The following OR51B5 variants were observed in gnomAD, a reference collection of about 807,000 sequenced individuals.
OR51B5 encodes olfactory receptor 51B5.
For synonymous variants in OR51B5, 186 were observed against 144.8 expected (o/e 1.28, Z -2.04); for missense variants, 456 against 374.6 (o/e 1.22, Z -1.79).
At chr11:5,491,750 C>T (rs449408) in intron 1 of OR51B5, among the ~76,000 whole-genome samples, 146,263 of 152,304 alleles carry the variant, frequency 0.96, 70,258 homozygotes, top group South Asian at 0.99. Context: ...CAAAGTGAAA[C>T]TTCCCTGATT....
At chr11:5,490,060 G>A (rs1354942595) in intron 1 of OR51B5, among the ~76,000 whole-genome samples, 1 of 152,138 alleles carries the variant, frequency 6.6e-6, no homozygotes, top group African/African-American at 2.4e-5. Flanking sequence ...GAATATTGAC[G>A]TATTGGTTAA....
Position 5,343,383 on chromosome 11 carries a change from T to A in OR51B5, c.142A>T (p.Lys48Ter). ...GGCTCATGAAGATTGTGATCTTCCT[T>A]AATGAGAAGAAGGAGGGTGCCATTG... The change falls in exon 1 of 1, where the codon AAG (lysine) becomes TAG (stop). Residue 48 changes from lysine to a stop codon, truncating the protein, a stop_gained. Coordinates refer to ENST00000300773, the Ensembl canonical transcript of OR51B5. LOFTEE classifies it low-confidence loss of function (END_TRUNC). The A allele has an allele frequency of 6.2e-7, 1 of 1,613,860 alleles. No homozygotes were observed. The highest frequency in any genetic ancestry group is 8.5e-7 in the Non-Finnish European group (1 of 1,179,870).
At chr11:5,351,305 C>G (rs1214999797) in intron 1 of OR51B5, among the ~76,000 whole-genome samples, 1 of 152,100 alleles carries the variant, frequency 6.6e-6, no homozygotes, top group Non-Finnish European at 1.5e-5. Flanking sequence ...TAGAGTAAAC[C>G]CTAAATAATA....
At chr11:5,405,895 C>G (rs945049458) in intron 1 of OR51B5, among the ~76,000 whole-genome samples, 5 of 152,100 alleles carry the variant, frequency 3.3e-5, no homozygotes, top group African/African-American at 4.8e-5. Context: ...CCATAGAGGA[C>G]AATGCCTCCA....
At chr11:5,373,595 C>G (rs952492158) in intron 1 of OR51B5, among the ~76,000 whole-genome samples, 2 of 152,144 alleles carry the variant, frequency 1.3e-5, no homozygotes, top group Admixed American at 1.3e-4. Flanking sequence ...GGGTGACATA[C>G]GGCACCTGGA....
At chr11:5,369,306 A>C (rs1437424962) in intron 1 of OR51B5, among the ~76,000 whole-genome samples, 1 of 152,204 alleles carries the variant, frequency 6.6e-6, no homozygotes, top group Admixed American at 6.5e-5. Context: ...GTCACGGCTT[A>C]ACAAATATTA....
chr11:5,362,725 T>C, intron 1 of OR51B5: 1 of 227,340 alleles, frequency 4.4e-6, no homozygotes, highest in South Asian at 8.1e-5. Flanking sequence ...CCTGGTTCTT[T>C]GTTTACGAGG....
intron 1 of OR51B5, among the ~76,000 whole-genome samples, chr11:5,356,106 A>G (rs901646937): frequency 6.6e-6 from 1 of 152,304 alleles, no homozygotes; most frequent in South Asian, 2.1e-4. Flanking sequence ...CTCACCAGCA[A>G]CGGTACAAAG....
chr11:5,348,702 G>T (rs549825508), intron 1 of OR51B5, among the ~76,000 whole-genome samples: 40 of 152,144 alleles, frequency 2.6e-4, no homozygotes, highest in African/African-American at 9.4e-4. Flanking sequence ...CAGCTGATTA[G>T]ATAGTACCCA....
At chr11:5,469,808 C>T (rs1051382441) in intron 1 of OR51B5, among the ~76,000 whole-genome samples, 1 of 152,052 alleles carries the variant, frequency 6.6e-6, no homozygotes, top group Non-Finnish European at 1.5e-5. Context: ...TGAGGTGCAC[C>T]ATGTCCTCCA....
intron 1 of OR51B5, among the ~76,000 whole-genome samples, chr11:5,452,916 C>G (rs1232393591): frequency 6.6e-6 from 1 of 152,184 alleles, no homozygotes; most frequent in East Asian, 1.9e-4. Flanking sequence ...CTCATGACTG[C>G]CTCTGGAGGC....
chr11:5,344,504 G>T (rs1848959787), upstream of OR51B5, among the ~76,000 whole-genome samples: 1 of 152,156 alleles, frequency 6.6e-6, no homozygotes, highest in Non-Finnish European at 1.5e-5. Flanking sequence ...CTGAGTGAGA[G>T]CTATTTCCCT....
At chr11:5,400,040 T>C (rs1467658602) in intron 1 of OR51B5, among the ~76,000 whole-genome samples, 1 of 152,200 alleles carries the variant, frequency 6.6e-6, no homozygotes, top group African/African-American at 2.4e-5. Flanking sequence ...GTTGAGCTTT[T>C]GGAGGTGAGG....
intron 1 of OR51B5, among the ~76,000 whole-genome samples, chr11:5,421,875 G>A (rs1201779410): frequency 1.3e-5 from 2 of 152,224 alleles, no homozygotes; most frequent in Non-Finnish European, 2.9e-5. Flanking sequence ...TATTGATAGT[G>A]AGATTTGTAT....
chr11:5,355,097 G>A (rs1243982366), intron 1 of OR51B5: 2 of 180,642 alleles, frequency 1.1e-5, no homozygotes, highest in East Asian at 1.3e-4. Flanking sequence ...ATCACCAAGT[G>A]CAGCAGGAAG....
intron 1 of OR51B5, chr11:5,468,849 A>G (rs1851178895): frequency 2.3e-6 from 1 of 429,604 alleles, no homozygotes; most frequent in African/African-American, 2.0e-5. Context: ...GTGTCTCCAC[A>G]GGGCAGCCGA....
Position 5,381,805 on chromosome 11 carries a change from T to C in OR51B5, n.85-34895A>G, listed in dbSNP as rs183565976. ...TCATTTGGTTTTCAAATAAATCTAT[T>C]GCTTGGAAACTGGTCCTTCAATTAT... On this transcript the variant is annotated intron_variant and non_coding_transcript_variant, in intron 1 of 4. Coordinates refer to the OR51B5 transcript ENST00000415970. 6.2e-4 allele frequency among the ~76,000 whole-genome samples: 94 copies of C among 152,360 alleles called. 3 individuals carry two copies. In the East Asian group the frequency reaches 0.017, roughly 28 times the overall value.
intron 1 of OR51B5, chr11:5,455,554 A>T (rs1850939558): frequency 7.6e-6 from 1 of 132,384 alleles, no homozygotes; most frequent in Non-Finnish European, 1.5e-5. Context: ...ATTGGGGGAG[A>T]AAGAAGGGGG....
chr11:5,499,573 A>G (rs2133819759), intron 1 of OR51B5, among the ~76,000 whole-genome samples: 1 of 152,256 alleles, frequency 6.6e-6, no homozygotes, highest in Middle Eastern at 3.4e-3. Context: ...TCAAAACAGT[A>G]TTTTTTATAT....
Sources: allele counts gnomAD v4.1 joint callset (sites outside exome capture counted in the v4.1 genomes callset), GRCh38; gene constraint gnomAD v4.1.1; transcripts MANE v1.5; gene names NCBI Gene and HGNC (gene_info 2026-07-23, HGNC 2026-07-21).